Variants in LARS2 observed in about 807,000 individuals in gnomAD.
LARS2 encodes the protein leucyl-tRNA synthetase 2, mitochondrial, also known as leucine--tRNA ligase, mitochondrial.
A neutral mutation model predicts 116.6 loss-of-function variants in LARS2; 81 were observed. The ratio of observed to expected loss-of-function variants is 0.69; its 90% CI spans 0.58 to 0.84. LARS2 has a LOEUF of 0.84. Ranked by LOEUF, LARS2 falls within the 40% of genes least tolerant of loss-of-function variation. The pLI is 0.00. For synonymous variants in LARS2, 396 were observed against 407.2 expected (o/e 0.97, Z 0.33); for missense variants, 968 against 1,114.5 (o/e 0.87, Z 1.87).
At chr3:45,438,973 C>G (rs988201977) in intron 6 of LARS2, among the ~76,000 whole-genome samples, 1 of 152,212 alleles carries the variant, frequency 6.6e-6, no homozygotes, top group Admixed American at 6.5e-5. Flanking sequence ...AGGGCTAATT[C>G]AGACTCAAAG....
chr3:45,467,125 C>T (rs1350072974), intron 8 of LARS2, among the ~76,000 whole-genome samples: 1 of 152,104 alleles, frequency 6.6e-6, no homozygotes, highest in Non-Finnish European at 1.5e-5. Context: ...GTGGAATTGA[C>T]TCATTGTCCT....
chr3:45,455,124 CTTTTTTTT>C (rs370123180), intron 7 of LARS2, among the ~76,000 whole-genome samples: 1 of 129,056 alleles, frequency 7.7e-6, no homozygotes, highest in East Asian at 2.2e-4. Flanking sequence ...TTGTGTTTTG[CTTTTTTTT>C]TTTTTTTGTC....
chr3:45,447,222 A>G (rs1447930699), intron 7 of LARS2, among the ~76,000 whole-genome samples: 6 of 152,188 alleles, frequency 3.9e-5, no homozygotes, highest in Non-Finnish European at 8.8e-5. Flanking sequence ...AGAGGGCATA[A>G]GAAGAAAGAA....
intron 13 of LARS2, among the ~76,000 whole-genome samples, chr3:45,495,006 T>G (rs1004585409): frequency 5.9e-5 from 9 of 152,284 alleles, no homozygotes; most frequent in African/African-American, 1.7e-4. Flanking sequence ...AGGCAGAGGT[T>G]GCAGTGAGCT....
intron 20 of LARS2, among the ~76,000 whole-genome samples, chr3:45,537,914 G>A (rs1415643275): frequency 6.6e-6 from 1 of 152,190 alleles, no homozygotes; most frequent in Non-Finnish European, 1.5e-5. Context: ...GGAGGGGAAG[G>A]AAGGGGGTGG....
chr3:45,436,343 T>A (rs1698800481), intron 6 of LARS2, among the ~76,000 whole-genome samples: 1 of 149,748 alleles, frequency 6.7e-6, no homozygotes, highest in Admixed American at 6.6e-5. Flanking sequence ...ATGTTCTTTC[T>A]TTCAAAAAAA....
Position 45,516,108 on chromosome 3 carries a change from C to A in LARS2, c.1876C>A (p.His626Asn). The A allele has an allele frequency of 6.2e-7, 1 of 1,613,972 alleles. No individual in the cohort carries two copies. The highest frequency in any genetic ancestry group is 1.1e-5 in the South Asian group (1 of 91,040). Residue 626 changes from histidine (H) to asparagine (N), a missense_variant, in exon 17 of 22, where the codon CAT (histidine) becomes AAT (asparagine). Coordinates refer to ENST00000645846, the MANE Select transcript of LARS2 (RefSeq NM_015340.4). ...EVDLTGSVPV[H>N]AKTKEKLEVT... is the part of the protein sequence containing the mutation. ...TTGGCATCTAGGTTCCGTTCCTGTTCATGCAAAAACGAAAGAGAAGTTAGA... is the reference window on the plus strand; with the variant it reads ...TTGGCATCTAGGTTCCGTTCCTGTTAATGCAAAAACGAAAGAGAAGTTAGA...
At chr3:45,428,461 G>A (rs996188612) in intron 6 of LARS2, among the ~76,000 whole-genome samples, 1 of 151,014 alleles carries the variant, frequency 6.6e-6, no homozygotes, top group Non-Finnish European at 1.5e-5. Context: ...TAGCCAGGAT[G>A]GTCTCAATCT....
At chr3:45,419,068 G>A (rs996834135) in intron 5 of LARS2, among the ~76,000 whole-genome samples, 1 of 152,166 alleles carries the variant, frequency 6.6e-6, no homozygotes, top group African/African-American at 2.4e-5. Context: ...ATCTAAAAGA[G>A]GATGCAGTAG....
intron 20 of LARS2, among the ~76,000 whole-genome samples, chr3:45,539,344 G>T (rs150231267): frequency 1.4e-3 from 218 of 152,298 alleles, no homozygotes; most frequent in African/African-American, 5.0e-3. Context: ...AAAAAAGAAA[G>T]AGAAGGCTGG....
chr3:45,480,386 T>G (rs1699679366), intron 10 of LARS2, among the ~76,000 whole-genome samples: 1 of 152,220 alleles, frequency 6.6e-6, no homozygotes, highest in South Asian at 2.1e-4. Context: ...GAACACCAAA[T>G]GTAAGTCATT....
At chr3:45,539,141 A>ATGTT (rs924966085) in intron 20 of LARS2, among the ~76,000 whole-genome samples, 2 of 152,190 alleles carry the variant, frequency 1.3e-5, no homozygotes, top group African/African-American at 4.8e-5. Context: ...TTTTTAAATA[A>ATGTT]TGTTTTTTCA....
chr3:45,486,965 A>G (rs1325892240), intron 11 of LARS2, among the ~76,000 whole-genome samples: 2 of 152,114 alleles, frequency 1.3e-5, no homozygotes, highest in Non-Finnish European at 2.9e-5. Context: ...TTGATTTCCC[A>G]TAGTTTCTTA....
rs756046406 is a variant in LARS2 at position 45,541,866 on chromosome 3, C to T, written c.2442C>T (p.Tyr814=). The part of the protein sequence containing the change: ...ALVPRKLCAH[Y]TWDASVLLQA... ...TGCCGAGGAAGCTCTGTGCCCACTA[C>T]ACTTGGGATGCCAGTGTGCTGCTCC... The change falls in exon 21 of 22, where the codon TAC becomes TAT. Residue 814 remains tyrosine (Y), a synonymous_variant. Transcript: ENST00000645846. 3.1e-6 allele frequency: 5 copies of T among 1,614,258 alleles called. No individual in the cohort carries two copies. The South Asian group carries it at 3.3e-5, about 11-fold the overall frequency.
intron 4 of LARS2, among the ~76,000 whole-genome samples, chr3:45,402,324 A>G (rs570221166): frequency 2.0e-4 from 31 of 152,202 alleles, no homozygotes; most frequent in Non-Finnish European, 4.3e-4. Flanking sequence ...CCAACTATGT[A>G]TATCTCTGCC....
intron 1 of LARS2, among the ~76,000 whole-genome samples, chr3:45,390,404 C>T (rs1328172972): frequency 6.6e-6 from 1 of 151,874 alleles, no homozygotes; most frequent in Non-Finnish European, 1.5e-5. Flanking sequence ...GCTCCGCCTC[C>T]TGGGTTCACG....
At chr3:45,448,450 C>G (rs966176154) in intron 7 of LARS2, among the ~76,000 whole-genome samples, 1 of 152,102 alleles carries the variant, frequency 6.6e-6, no homozygotes, top group Non-Finnish European at 1.5e-5. Flanking sequence ...CCAAGACCAG[C>G]TCGGTCGGGG....
intron 4 of LARS2, among the ~76,000 whole-genome samples, chr3:45,408,289 C>G (rs985544815): frequency 6.6e-6 from 1 of 152,248 alleles, no homozygotes; most frequent in African/African-American, 2.4e-5. Flanking sequence ...TGTGCCATGG[C>G]CATGTGGCTA....
In LARS2 at chr3:45,516,266, G is replaced by T. The variant is rs1244605171; in HGVS notation, c.2034G>T (p.Trp678Cys). 1.9e-6 allele frequency: 3 copies of T among 1,613,012 alleles called. No homozygotes were observed. Among genetic ancestry groups the T allele is most frequent in the Non-Finnish European group, 2.5e-6 (3 of 1,179,430 alleles). The change falls in exon 17 of 22, where the codon TGG becomes TGT. Residue 678 changes from tryptophan to cysteine, a missense_variant. Physicochemically the swap from Trp to Cys is radical, Grantham distance 215 (BLOSUM62 -2). Coordinates refer to ENST00000645846, the MANE Select transcript of LARS2 (RefSeq NM_015340.4). ...CCCCTCCTGAGAAGGATATCTTGTG[G>T]GATGTGAAAAGTAAGTCACCTTCCT... ...FAAPPEKDIL[W>C]DVKTDALPGV...
Sources: gnomAD v4.1 joint callset for allele counts (sites outside exome capture counted in the v4.1 genomes callset) on GRCh38, gnomAD v4.1.1 for gene constraint, MANE v1.5 for transcripts, NCBI Gene and HGNC (gene_info 2026-07-23, HGNC 2026-07-21) for gene names.